Variants in ADAP1 observed in about 807,000 individuals in gnomAD.
ADAP1 encodes the protein ArfGAP with dual PH domains 1, also known as arf-GAP with dual PH domain-containing protein 1.
In ADAP1, 31 loss-of-function variants were observed where a neutral mutation model predicts 54.9. The ratio of observed to expected loss-of-function variants is 0.56; its 90% confidence interval spans 0.42 to 0.76. The LOEUF is 0.76. Among genes scored for constraint, ADAP1 ranks in the 30% least tolerant of loss-of-function variants. The probability of loss-of-function intolerance (pLI) is 0.00; values close to 1 mark genes in which losing one functional copy is unlikely to be tolerated. For missense variants in ADAP1, 535 were observed against 512.4 expected (o/e 1.04, Z -0.42); for synonymous variants, 313 against 202.6 (o/e 1.55, Z -4.63).
chr7:944,616 G>A (rs762077491), intron 1 of ADAP1, among the ~76,000 whole-genome samples: 5 of 151,724 alleles, frequency 3.3e-5, no homozygotes, highest in Non-Finnish European at 7.4e-5. Context: ...ATATTTATGG[G>A]GTCCACAAGA....
intron 4 of ADAP1, among the ~76,000 whole-genome samples, chr7:913,132 C>A (rs141405161): frequency 1.3e-5 from 2 of 152,060 alleles, no homozygotes; most frequent in African/African-American, 4.8e-5. Flanking sequence ...GCATGAGCCC[C>A]GGTGCCCGGC....
At chr7:918,106 T>G (rs954996791) in intron 4 of ADAP1, among the ~76,000 whole-genome samples, 1 of 152,186 alleles carries the variant, frequency 6.6e-6, no homozygotes, top group Non-Finnish European at 1.5e-5. Flanking sequence ...TTTTGTATTT[T>G]TAGTAGAGAC....
chr7:938,176 T>C lies in ADAP1; in HGVS notation c.83-2671A>G, dbSNP rs1192038527. On this transcript the variant is annotated intron_variant, in intron 1 of 10. Transcript: ENST00000265846. The surrounding 1 kb of genome is among the most constrained non-coding windows in gnomAD (Gnocchi z 4.4). Reference sequence around the variant, plus strand: ...TTGCGGGGTTTTTTTTGTCTTGTATTGTATTGTTTTGTTTTGAGACAGGGT... The same window carrying C: ...TTGCGGGGTTTTTTTTGTCTTGTATCGTATTGTTTTGTTTTGAGACAGGGT... Among the ~76,000 whole-genome samples the C allele has an allele frequency of 6.6e-6, 1 of 151,992 alleles. No homozygotes were observed. Among genetic ancestry groups the C allele is most frequent in the Non-Finnish European group, 1.5e-5 (1 of 68,022 alleles).
chr7:903,840 G>C, intron 6 of ADAP1: 1 of 354,904 alleles, frequency 2.8e-6, no homozygotes, highest in Non-Finnish European at 5.2e-6. Context: ...GGGCCAAGCT[G>C]GGTGGCCCCA....
chr7:901,302 T>G, intron 6 of ADAP1: 1 of 309,076 alleles, frequency 3.2e-6, no homozygotes, highest in Non-Finnish European at 6.4e-6. Context: ...CCCAGACCCT[T>G]GGCCCCATGA....
rs767256144 is a variant in ADAP1, at chr7:905,095, G to C, written c.466C>G (p.Arg156Gly). ...TTGAAATACTTCAGAGCACCCTCTC[G>C]TTCTGTCAGCACAAACTTCCGGCTC... ...FLSRKFVLTEREGALKYFNRN... is the reference protein window; with the variant it reads ...FLSRKFVLTEGEGALKYFNRN... The change falls in exon 5 of 11, where the codon CGA becomes GGA. Residue 156 changes from arginine (R) to glycine (G), a missense_variant. Physicochemically the swap from Arg to Gly is moderately radical, Grantham distance 125. Coordinates refer to ENST00000265846, the MANE Select transcript of ADAP1 (RefSeq NM_006869.4). 6 of 1,612,174 alleles carry C rather than the reference G, an allele frequency of 3.7e-6. No homozygotes were observed. Among genetic ancestry groups the C allele is most frequent in the African/African-American group, 1.3e-5 (1 of 74,940 alleles).
In ADAP1 at chr7:898,889, G is replaced by T; in HGVS notation, c.*32C>A. On this transcript the variant is annotated 3_prime_UTR_variant, in exon 11 of 11. Transcript: ENST00000265846. The stretch of plus-strand genomic sequence containing the variant: ...GGTCCCCTCCGTCCAGCCACAGTGA[G>T]TCCAATGTCCGTGGTCCTCCAGCCG... 6.3e-7 allele frequency: 1 copy of T among 1,581,238 alleles called. No individual in the cohort carries two copies. The highest frequency in any genetic ancestry group is 8.6e-7 in the Non-Finnish European group (1 of 1,165,112).
chr7:939,506 C>T (rs1272384643), intron 1 of ADAP1, among the ~76,000 whole-genome samples: 2 of 151,858 alleles, frequency 1.3e-5, no homozygotes, highest in Admixed American at 1.3e-4. Context: ...GCGTGAGCCA[C>T]CACGCCCAGC....
Position 945,474 on chromosome 7 carries a change from G to A in ADAP1, c.82+8922C>T, listed in dbSNP as rs1423869123. 6.6e-6 allele frequency among the ~76,000 whole-genome samples: 1 copy of A among 152,220 alleles called. No individual in the cohort carries two copies. The highest frequency in any genetic ancestry group is 1.5e-5 in the Non-Finnish European group (1 of 68,032). ...CCACTTCTGGGTTCCCAGGACTGTG[G>A]AATTTTGTTCCAAAATGCCTGGAGT... On this transcript the variant is annotated intron_variant, in intron 1 of 10. Transcript: ENST00000265846. The surrounding 1 kb of genome is among the most constrained non-coding windows in gnomAD (Gnocchi z 4.2).
rs1845046583 is a variant in ADAP1 at position 905,163 on chromosome 7, T to G, written c.398A>C (p.Glu133Ala). Residue 133 changes from glutamate to alanine, a missense_variant, in exon 5 of 11, where the codon GAG becomes GCG. Coordinates refer to ENST00000265846, the MANE Select transcript of ADAP1 (RefSeq NM_006869.4). ...KQEPYSAGYR[E>A]GFLWKRGRDN... ...CCGGCCACGCTTCCAGAGAAAACCC[T>G]CACGGTACCCTGTGGGGGAAAGGGG... The G allele has an allele frequency of 6.2e-7, 1 of 1,611,170 alleles. No individual in the cohort carries two copies. The highest frequency in any genetic ancestry group is 2.2e-5 in the East Asian group (1 of 44,848).
rs10698107 is a variant in ADAP1, at chr7:913,198, CTT to C, written c.388+6768_388+6769del. ...AAAGGCTGCTGGCCTCCTCCCCTTC[CTT>C]TTTTTTTTTTTTTTTTTTGAGACGG... On this transcript the variant is annotated intron_variant, in intron 4 of 10. Transcript: ENST00000265846. Among the ~76,000 whole-genome samples, 1,034 of 104,190 alleles carry C rather than the reference CTT, an allele frequency of 9.9e-3. 13 individuals are homozygous for C. The highest frequency in any genetic ancestry group is 0.032 in the African/African-American group (854 of 26,846). 68.4% of individuals were successfully genotyped at this position (104,190 alleles called of 152,430 possible).
rs1562904269 is a variant in ADAP1, at chr7:899,216, C to A, written c.913G>T (p.Gly305Cys). Residue 305 changes from glycine to cysteine, a missense_variant, in exon 10 of 11, where the codon GGC becomes TGC. Physicochemically the swap from Gly to Cys is radical, Grantham distance 159. Transcript: ENST00000265846. ...GGGAACCCATGCAGCACCGTGTAGCCACTCTCCTTGCTGCCAATGAAGACT... is the reference window on the plus strand; with the variant it reads ...GGGAACCCATGCAGCACCGTGTAGCAACTCTCCTTGCTGCCAATGAAGACT... ...GEVFIGSKES[G>C]YTVLHGFPPS... is the part of the protein sequence containing the mutation. 1 of 1,612,776 alleles carries A rather than the reference C, an allele frequency of 6.2e-7. No homozygotes were observed. The highest frequency in any genetic ancestry group is 8.5e-7 in the Non-Finnish European group (1 of 1,179,980).
chr7:898,420 G>A lies in ADAP1; in HGVS notation c.*501C>T, dbSNP rs543015799. The A allele has an allele frequency of 9.9e-5, 20 of 201,526 alleles. No individual in the cohort carries two copies. Among genetic ancestry groups the A allele is most frequent in the Admixed American group, 4.7e-4 (9 of 19,008 alleles). 12.5% of individuals were successfully genotyped at this position (201,526 alleles called of 1,614,324 possible). A position where few individuals can be genotyped will look rare whatever the true frequency, so the allele number is the denominator to read the frequency against. ...TGGATAATCCACCCAAACACCCCAC[G>A]GCCCTCATAGCCCCGTGACACACAA... is the stretch of plus-strand genomic sequence containing the variant. On this transcript the variant is annotated 3_prime_UTR_variant, in exon 11 of 11. Coordinates refer to ENST00000265846, the MANE Select transcript of ADAP1 (RefSeq NM_006869.4).
chr7:906,706 G>T (rs553235931), intron 4 of ADAP1, among the ~76,000 whole-genome samples: 411 of 31,110 alleles, frequency 0.013, 14 homozygotes, highest in Admixed American at 0.11. Context: ...TGGACATGGG[G>T]GACGGGACAT....
At position 945,620 on chromosome 7, in the gene ADAP1, G is replaced by T; in HGVS notation, c.82+8776C>A. The T allele has an allele frequency of 1.9e-6, 1 of 527,130 alleles. No individual in the cohort carries two copies. Among genetic ancestry groups the T allele is most frequent in the Non-Finnish European group, 2.4e-6 (1 of 410,932 alleles). The allele number at this position is 527,130 out of a possible 1,614,324, so 32.7% of individuals were successfully genotyped here. ...TGGAGATGGAGGCCCTGAGTGCCAG[G>T]TAGGGAGGGGCAGGCCCAAGACTCC... On this transcript the variant is annotated intron_variant, in intron 1 of 10. Coordinates refer to ENST00000265846, the MANE Select transcript of ADAP1 (RefSeq NM_006869.4). This position sits in a 1 kb window ranked among gnomAD's most constrained non-coding sequence, Gnocchi z 4.2.
At chr7:921,950 AC>A (rs1330716031) in intron 3 of ADAP1, among the ~76,000 whole-genome samples, 1 of 152,140 alleles carries the variant, frequency 6.6e-6, no homozygotes, top group African/African-American at 2.4e-5. Flanking sequence ...CAAGGCTCAC[AC>A]CCGCACACAA....
intron 4 of ADAP1, among the ~76,000 whole-genome samples, chr7:912,162 G>A (rs1228592716): frequency 6.6e-6 from 1 of 152,174 alleles, no homozygotes; most frequent in Non-Finnish European, 1.5e-5. Flanking sequence ...GGTACCACCA[G>A]GAGGGGCCGT....
intron 1 of ADAP1, among the ~76,000 whole-genome samples, chr7:937,980 C>A (rs35585784): frequency 6.6e-6 from 1 of 152,090 alleles, no homozygotes; most frequent in Admixed American, 6.6e-5. Flanking sequence ...AACAGCCCTA[C>A]TTCAGCAGAG....
At chr7:909,581 C>G (rs924444554) in intron 4 of ADAP1, among the ~76,000 whole-genome samples, 24 of 152,220 alleles carry the variant, frequency 1.6e-4, no homozygotes, top group African/African-American at 5.3e-4. Context: ...GCCTGGCCAG[C>G]CCCTTGGCCT....
Sources: allele counts gnomAD v4.1 joint callset (sites outside exome capture counted in the v4.1 genomes callset), GRCh38; gene constraint gnomAD v4.1.1; non-coding constraint Gnocchi (gnomAD v3.1); transcripts MANE v1.5; gene names NCBI Gene and HGNC (gene_info 2026-07-23, HGNC 2026-07-21).